The following GPR176 variants were observed in gnomAD, a reference collection of about 807,000 sequenced individuals.
GPR176 encodes G-protein coupled receptor 176.
Under a neutral mutation model 35.4 loss-of-function variants are expected in GPR176, and 26 were observed. The ratio of observed to expected loss-of-function variants is 0.74; its 90% CI spans 0.54 to 1.02. The LOEUF (loss-of-function observed/expected upper bound fraction) is 1.02. Among genes scored for constraint, GPR176 ranks in the 50% least tolerant of loss-of-function variants. The probability of loss-of-function intolerance (pLI) is 0.00; values close to 1 mark genes in which losing one functional copy is unlikely to be tolerated. For synonymous variants in GPR176, 278 were observed against 271.3 expected (o/e 1.02, Z -0.24); for missense variants, 597 against 665.3 (o/e 0.90, Z 1.13).
At chr15:39,909,885 C>T in intron 1 of GPR176, 1 of 979,218 alleles carries the variant, frequency 1.0e-6, no homozygotes, top group South Asian at 4.7e-5. Flanking sequence ...TTGTATATTT[C>T]ATTTGGCAAG....
At chr15:39,831,058 G>T (rs1487592425) in intron 1 of GPR176, among the ~76,000 whole-genome samples, 1 of 152,170 alleles carries the variant, frequency 6.6e-6, no homozygotes, top group African/African-American at 2.4e-5. Context: ...AATGGAAACA[G>T]TTCTTTTTAG....
At position 39,832,654 on chromosome 15, in the gene GPR176, AACAC is replaced by A. The variant is rs112693906; in HGVS notation, c.173-25400_173-25397del. Among the ~76,000 whole-genome samples, 367 of 145,230 alleles carry A rather than the reference AACAC, an allele frequency of 2.5e-3. 2 individuals carry two copies. Among genetic ancestry groups the A allele is most frequent in the African/African-American group, 5.8e-3 (229 of 39,718 alleles). On this transcript the variant is annotated intron_variant, in intron 1 of 2. Coordinates refer to ENST00000561100, the MANE Select transcript of GPR176 (RefSeq NM_007223.3). ...AACGCTAATGATAGCTGATGAGCTAAACACACACACACACACACACACACACACA... is the reference window on the plus strand; with the variant it reads ...AACGCTAATGATAGCTGATGAGCTAAACACACACACACACACACACACACA...
chr15:39,912,670 C>T (rs1275974610), intron 1 of GPR176, among the ~76,000 whole-genome samples: 2 of 151,562 alleles, frequency 1.3e-5, no homozygotes, highest in African/African-American at 4.8e-5. Context: ...CACAACAGTT[C>T]CCAGTCACTA....
intron 1 of GPR176, among the ~76,000 whole-genome samples, chr15:39,855,066 A>AG (rs202155315): frequency 2.6e-5 from 4 of 151,662 alleles, no homozygotes; most frequent in Non-Finnish European, 5.9e-5. Context: ...AAAAAAAAAA[A>AG]GTAATTCATT....
intron 1 of GPR176, among the ~76,000 whole-genome samples, chr15:39,843,567 T>C (rs1006696569): frequency 1.4e-5 from 2 of 146,974 alleles, no homozygotes; most frequent in Admixed American, 1.4e-4. Flanking sequence ...GATTGACAGA[T>C]CAATAGTACT....
At chr15:39,875,050 A>AAAAC (rs975772706) in intron 1 of GPR176, among the ~76,000 whole-genome samples, 2 of 152,134 alleles carry the variant, frequency 1.3e-5, no homozygotes, top group African/African-American at 2.4e-5. Context: ...CTCAAAAACA[A>AAAAC]AAACAAACAA....
At chr15:39,894,250 C>T (rs1291134199) in intron 1 of GPR176, among the ~76,000 whole-genome samples, 3 of 133,912 alleles carry the variant, frequency 2.2e-5, no homozygotes, top group African/African-American at 5.5e-5. Context: ...GGCGGCTGGC[C>T]GGGTTGGGGG....
At chr15:39,855,951 T>C (rs1040360112) in intron 1 of GPR176, among the ~76,000 whole-genome samples, 1 of 152,162 alleles carries the variant, frequency 6.6e-6, no homozygotes, top group African/African-American at 2.4e-5. Context: ...AAAACAACCA[T>C]AAGAGTAGAT....
chr15:39,916,182 T>G (rs2033721244), intron 1 of GPR176, among the ~76,000 whole-genome samples: 1 of 152,218 alleles, frequency 6.6e-6, no homozygotes, highest in Admixed American at 6.5e-5. Context: ...AGGAGTTCAA[T>G]CCACCATTTC....
At chr15:39,856,539 GC>G (rs745838293) in intron 1 of GPR176, among the ~76,000 whole-genome samples, 10 of 152,188 alleles carry the variant, frequency 6.6e-5, no homozygotes, top group Non-Finnish European at 1.2e-4. Context: ...GCTGGAGGAT[GC>G]TCTGTTCACC....
At chr15:39,816,679 T>TTTC (rs1211117884) in intron 1 of GPR176, among the ~76,000 whole-genome samples, 29 of 152,198 alleles carry the variant, frequency 1.9e-4, no homozygotes, top group Non-Finnish European at 3.7e-4. Flanking sequence ...TGGAAAGAGT[T>TTTC]TTCTAAAATG....
chr15:39,853,742 G>A (rs2031024103), intron 1 of GPR176, among the ~76,000 whole-genome samples: 1 of 151,970 alleles, frequency 6.6e-6, no homozygotes, highest in African/African-American at 2.4e-5. Flanking sequence ...GAAGACAGAG[G>A]CCAGGGATGC....
At chr15:39,860,929 G>A (rs1174502246) in intron 1 of GPR176, 1 of 152,236 alleles carries the variant, frequency 6.6e-6, no homozygotes, top group Non-Finnish European at 1.5e-5. Context: ...AAGCCTAAAA[G>A]AATTAGCATC....
intron 1 of GPR176, among the ~76,000 whole-genome samples, chr15:39,874,110 G>C (rs576012467): frequency 6.6e-6 from 1 of 152,170 alleles, no homozygotes; most frequent in Non-Finnish European, 1.5e-5. Context: ...GTCTCTATAT[G>C]AGTTTCCACC....
chr15:39,844,885 G>A (rs2140797954), intron 1 of GPR176, among the ~76,000 whole-genome samples: 1 of 152,194 alleles, frequency 6.6e-6, no homozygotes, highest in Non-Finnish European at 1.5e-5. Flanking sequence ...GTCCAGGACT[G>A]GGAAAGTTAG....
intron 1 of GPR176, among the ~76,000 whole-genome samples, chr15:39,817,068 C>CAAA (rs58812005): frequency 2.8e-4 from 22 of 77,308 alleles, no homozygotes; most frequent in South Asian, 9.9e-4. Flanking sequence ...GATTCTGTCT[C>CAAA]AAAAAAAAAA....
At chr15:39,868,170 G>C (rs923062426) in intron 1 of GPR176, among the ~76,000 whole-genome samples, 1 of 152,138 alleles carries the variant, frequency 6.6e-6, no homozygotes, top group East Asian at 1.9e-4. Context: ...GAGAAAGCAG[G>C]AGCAGGAAGC....
intron 1 of GPR176, among the ~76,000 whole-genome samples, chr15:39,823,452 C>A (rs1900412382): frequency 6.6e-6 from 1 of 152,190 alleles, no homozygotes; most frequent in South Asian, 2.1e-4. Flanking sequence ...CTTGGCCCCA[C>A]ATCCAATGCA....
intron 1 of GPR176, among the ~76,000 whole-genome samples, chr15:39,887,043 T>C (rs777377253): frequency 4.7e-4 from 71 of 152,196 alleles, no homozygotes; most frequent in Non-Finnish European, 8.5e-4. Flanking sequence ...TTCTCAAACT[T>C]TGATGTACCT....
Sources: allele counts gnomAD v4.1 joint callset (sites outside exome capture counted in the v4.1 genomes callset), GRCh38; gene constraint gnomAD v4.1.1; transcripts MANE v1.5; gene names NCBI Gene and HGNC (gene_info 2026-07-23, HGNC 2026-07-21).